Variants in ANKRD11 observed in about 807,000 individuals in gnomAD.
ANKRD11 encodes ankyrin repeat domain-containing protein 11.
ANKRD11 carries 17 observed loss-of-function variants against 195.7 expected under a neutral mutation model. The ratio of observed to expected loss-of-function variants is 0.09; its 90% confidence interval spans 0.06 to 0.13. The LOEUF is 0.13. ANKRD11 is among the 10% of genes least tolerant of loss of function. The pLI is 1.00. For missense variants in ANKRD11, 3,735 were observed against 3,566.1 expected (o/e 1.05, Z -1.21); for synonymous variants, 1,953 against 1,528.1 (o/e 1.28, Z -6.49).
intron 2 of ANKRD11, among the ~76,000 whole-genome samples, chr16:89,330,758 G>A (rs1207626491): frequency 6.8e-6 from 1 of 146,214 alleles, no homozygotes; most frequent in Admixed American, 7.2e-5. Flanking sequence ...TCCTCGGCGA[G>A]TTCCAACCTC....
chr16:89,435,705 G>A (rs555830115), intron 1 of ANKRD11, among the ~76,000 whole-genome samples: 15 of 151,100 alleles, frequency 9.9e-5, no homozygotes, highest in South Asian at 6.3e-4. Context: ...ACACGCAGAC[G>A]TACTTTCGTT....
At chr16:89,435,551 C>T (rs1471934279) in intron 1 of ANKRD11, among the ~76,000 whole-genome samples, 1 of 152,134 alleles carries the variant, frequency 6.6e-6, no homozygotes, top group Admixed American at 6.5e-5. Context: ...GAAAACACTC[C>T]AGACACATCT....
intron 1 of ANKRD11, among the ~76,000 whole-genome samples, chr16:89,451,795 C>T (rs552582112): frequency 4.6e-5 from 7 of 151,794 alleles, no homozygotes; most frequent in East Asian, 3.9e-4. Context: ...CAATTTATGA[C>T]GGAAAAAGTA....
At chr16:89,318,626 G>A (rs1263683296) in intron 2 of ANKRD11, among the ~76,000 whole-genome samples, 5 of 152,214 alleles carry the variant, frequency 3.3e-5, no homozygotes, top group Admixed American at 6.5e-5. Flanking sequence ...TAAAGGATAC[G>A]TTGCATGCCA....
At position 89,291,298 on chromosome 16, in the gene ANKRD11, G is replaced by T; in HGVS notation, c.227-115C>A. The T allele has an allele frequency of 7.5e-7, 1 of 1,329,542 alleles. No homozygotes were observed. The highest frequency in any genetic ancestry group is 1.0e-6 in the Non-Finnish European group (1 of 954,836). 82.4% of individuals were successfully genotyped at this position (1,329,542 alleles called of 1,614,324 possible). A position where few individuals can be genotyped will look rare whatever the true frequency, so the allele number is the denominator to read the frequency against. The stretch of plus-strand genomic sequence containing the variant: ...CTGCGTCCACCTGACAGCTGACAGA[G>T]CAGAAAGGAAGGTCTGTGTATGGGG... On this transcript the variant is annotated intron_variant, in intron 4 of 12. Coordinates refer to ENST00000301030, the MANE Select transcript of ANKRD11 (RefSeq NM_013275.6). The surrounding 1 kb of genome is among the most constrained non-coding windows in gnomAD (Gnocchi z 5.3).
intron 1 of ANKRD11, among the ~76,000 whole-genome samples, chr16:89,432,699 C>A: frequency 6.6e-6 from 1 of 152,228 alleles, no homozygotes; most frequent in Middle Eastern, 3.4e-3. Flanking sequence ...CACACTCACC[C>A]CCATTCATAT....
chr16:89,314,602 T>A (rs187299265), intron 3 of ANKRD11, among the ~76,000 whole-genome samples: 3 of 152,182 alleles, frequency 2.0e-5, no homozygotes, highest in Non-Finnish European at 4.4e-5. Context: ...GACACAGGGC[T>A]CCACCACGCC....
chr16:89,280,333 T>A lies in ANKRD11; in HGVS notation c.6209A>T (p.Lys2070Met), dbSNP rs1418771103. The A allele has an allele frequency of 6.3e-7, 1 of 1,580,438 alleles. No homozygotes were observed. Among genetic ancestry groups the A allele is most frequent in the African/African-American group, 1.4e-5 (1 of 73,780 alleles). ...GTCCAGCGGGGCTTCCGGAAGTGAC[T>A]TGCAGTTGCTGAAGAAGGACTCCAG... The part of the protein sequence containing the change: ...SGLESFFSNC[K>M]SLPEAPLDVA... Residue 2070 changes from lysine to methionine, a missense_variant, in exon 9 of 13, where the codon AAG becomes ATG. Physicochemically the swap from Lys to Met is moderately conservative, Grantham distance 95 (BLOSUM62 -1). Coordinates refer to ENST00000301030, the MANE Select transcript of ANKRD11 (RefSeq NM_013275.6).
In ANKRD11 at chr16:89,284,162, T is replaced by C; in HGVS notation, c.2380A>G (p.Ile794Val). 2 of 1,605,004 alleles carry C rather than the reference T, an allele frequency of 1.2e-6. No homozygotes were observed. The highest frequency in any genetic ancestry group is 2.3e-5 in the South Asian group (2 of 87,718). ...EDKISKEKEKIFKEDKEKLKK... is the reference protein window; with the variant it reads ...EDKISKEKEKVFKEDKEKLKK... ...AGTTTTTCTTTATCTTCTTTAAAAA[T>C]CTTCTCCTTCTCTTTTGAAATTTTG... Residue 794 changes from isoleucine to valine, a missense_variant, in exon 9 of 13, where the codon ATT becomes GTT. Physicochemically the swap from Ile to Val is conservative, Grantham distance 29 (BLOSUM62 3). Coordinates refer to ENST00000301030, the MANE Select transcript of ANKRD11 (RefSeq NM_013275.6).
intron 1 of ANKRD11, among the ~76,000 whole-genome samples, chr16:89,467,168 A>G (rs2152343459): frequency 6.6e-6 from 1 of 152,262 alleles, no homozygotes; most frequent in South Asian, 2.1e-4. Context: ...GCGGCGGCTC[A>G]TGTCTATAAT....
chr16:89,411,062 G>A (rs1404170842), intron 2 of ANKRD11, among the ~76,000 whole-genome samples: 1 of 152,168 alleles, frequency 6.6e-6, no homozygotes, highest in African/African-American at 2.4e-5. Context: ...TGCAGAGGGA[G>A]GGGCGGCCAG....
At chr16:89,403,274 C>T (rs933016669) in intron 2 of ANKRD11, among the ~76,000 whole-genome samples, 2 of 152,194 alleles carry the variant, frequency 1.3e-5, no homozygotes, top group African/African-American at 4.8e-5. Flanking sequence ...ACACCAGCCA[C>T]GCACATGTTG....
chr16:89,408,754 G>A (rs1245009519), intron 2 of ANKRD11, among the ~76,000 whole-genome samples: 1 of 152,152 alleles, frequency 6.6e-6, no homozygotes, highest in Non-Finnish European at 1.5e-5. Flanking sequence ...ATCAGCCGTG[G>A]AATCCTGAAT....
chr16:89,375,029 C>T (rs912045074), intron 2 of ANKRD11, among the ~76,000 whole-genome samples: 2 of 151,974 alleles, frequency 1.3e-5, no homozygotes, highest in East Asian at 1.9e-4. Context: ...AAAAATTAAA[C>T]GCTTATAAAT....
At chr16:89,378,764 T>G (rs949552207) in intron 2 of ANKRD11, among the ~76,000 whole-genome samples, 5 of 152,224 alleles carry the variant, frequency 3.3e-5, no homozygotes, top group South Asian at 4.1e-4. Flanking sequence ...TCTGTGTATT[T>G]TAGTAGAGAC....
At chr16:89,297,843 G>A (rs1308260862) in intron 4 of ANKRD11, 1 of 152,212 alleles carries the variant, frequency 6.6e-6, no homozygotes, top group African/African-American at 2.4e-5. Flanking sequence ...AAGAAAGACA[G>A]GGCCTACCCC....
chr16:89,282,654 G>C lies in ANKRD11; in HGVS notation c.3888C>G (p.Ser1296=). The C allele has an allele frequency of 6.2e-7, 1 of 1,614,060 alleles. No individual in the cohort carries two copies. The highest frequency in any genetic ancestry group is 8.5e-7 in the Non-Finnish European group (1 of 1,180,018). The change falls in exon 9 of 13, where the codon TCC becomes TCG. Residue 1296 remains serine (S), a synonymous_variant. Transcript: ENST00000301030. ...EEALHEYRED[S]NDKISEVSSD... ...AGGAGACCTCGCTGATTTTATCGTT[G>C]GAGTCTTCTCTGTACTCATGGAGAG...
At chr16:89,348,929 A>C (rs1597736664) in intron 2 of ANKRD11, among the ~76,000 whole-genome samples, 1 of 150,772 alleles carries the variant, frequency 6.6e-6, no homozygotes, top group Non-Finnish European at 1.5e-5. Context: ...CGAGTTCAAG[A>C]CCAGCCTCGT....
chr16:89,435,835 C>CACACACACA lies in ANKRD11; in HGVS notation c.-144-17468_-144-17467insTGTGTGTGT, dbSNP rs1555578690. The stretch of plus-strand genomic sequence containing the variant: ...ACACACACACACACACACACACACA[C>CACACACACA]GCTTTCGGTCTGTTCGCTCAAGGAA... On this transcript the variant is annotated intron_variant, in intron 1 of 12. Transcript: ENST00000301030. 3.4e-4 allele frequency among the ~76,000 whole-genome samples: 51 copies of CACACACACA among 150,032 alleles called. 1 individual carries two copies. The highest frequency in any genetic ancestry group is 1.3e-3 in the African/African-American group (50 of 39,718).
Sources: allele counts gnomAD v4.1 joint callset (sites outside exome capture counted in the v4.1 genomes callset), GRCh38; gene constraint gnomAD v4.1.1; non-coding constraint Gnocchi (gnomAD v3.1); transcripts MANE v1.5; gene names NCBI Gene and HGNC (gene_info 2026-07-23, HGNC 2026-07-21).